The following FSTL5 variants were observed in gnomAD, a reference collection of about 807,000 sequenced individuals.
The protein encoded by FSTL5 is follistatin like 5, also known as follistatin-related protein 5.
In FSTL5, 62 loss-of-function variants were observed where a neutral mutation model predicts 89.1. That is an observed-to-expected ratio of 0.70 (90% CI 0.57 to 0.86). The LOEUF is 0.86. FSTL5 is among the 40% of genes least tolerant of loss of function. The pLI is 0.00. For synonymous variants in FSTL5, 383 were observed against 346.2 expected (o/e 1.11, Z -1.18); for missense variants, 1,057 against 1,001.6 (o/e 1.06, Z -0.75).
Position 161,385,407 on chromosome 4 carries a change from A to C in FSTL5, c.*340T>G, listed in dbSNP as rs917065188. 1 of 192,358 alleles carries C rather than the reference A, an allele frequency of 5.2e-6. No homozygotes were observed. The highest frequency in any genetic ancestry group is 2.3e-5 in the African/African-American group (1 of 42,672). The allele number at this position is 192,358 out of a possible 1,614,324, so 11.9% of individuals were successfully genotyped here. Reference sequence around the variant, plus strand: ...CAGAGAAAAAAAATAAACTACCCTCAAAATGAAATAATGCTTTATGTCATC... The same window carrying C: ...CAGAGAAAAAAAATAAACTACCCTCCAAATGAAATAATGCTTTATGTCATC... On this transcript the variant is annotated 3_prime_UTR_variant, in exon 16 of 16. Transcript: ENST00000306100.
At chr4:161,987,123 C>G (rs186808793) in intron 3 of FSTL5, among the ~76,000 whole-genome samples, 7 of 152,236 alleles carry the variant, frequency 4.6e-5, no homozygotes, top group Admixed American at 2.0e-4. Flanking sequence ...AACCCTTTCT[C>G]GACATCTAGT....
chr4:161,860,181 G>C (rs969288584), intron 4 of FSTL5, among the ~76,000 whole-genome samples: 1 of 151,976 alleles, frequency 6.6e-6, no homozygotes, highest in South Asian at 2.1e-4. Context: ...CCAGCTACTC[G>C]GGAGGCTGAG....
chr4:162,030,873 C>A (rs1004786101), intron 3 of FSTL5, among the ~76,000 whole-genome samples: 16 of 152,102 alleles, frequency 1.1e-4, no homozygotes, highest in Admixed American at 9.8e-4. Flanking sequence ...AATTTAAATA[C>A]TTCTGTAAAA....
chr4:161,593,143 T>C (rs1733889251), intron 7 of FSTL5, among the ~76,000 whole-genome samples: 1 of 152,132 alleles, frequency 6.6e-6, no homozygotes. Context: ...TATTTATCAA[T>C]AAAAAGCAAG....
At chr4:161,900,571 G>A (rs28669022) in intron 4 of FSTL5, among the ~76,000 whole-genome samples, 7,123 of 148,002 alleles carry the variant, frequency 0.048, 211 homozygotes, top group Non-Finnish European at 0.07. Flanking sequence ...CCCGGGAGGC[G>A]GAGGTTGCAG....
chr4:161,903,936 C>G (rs1733447779), intron 4 of FSTL5, among the ~76,000 whole-genome samples: 1 of 151,398 alleles, frequency 6.6e-6, no homozygotes, highest in Non-Finnish European at 1.5e-5. Context: ...AAAATGAAAC[C>G]TAAACTTATA....
intron 4 of FSTL5, among the ~76,000 whole-genome samples, chr4:161,870,221 G>A (rs1049816478): frequency 6.6e-5 from 10 of 152,122 alleles, no homozygotes; most frequent in African/African-American, 2.2e-4. Flanking sequence ...ATATATAAGT[G>A]ATGTAGAAAT....
intron 4 of FSTL5, among the ~76,000 whole-genome samples, chr4:161,825,398 G>C (rs1730637731): frequency 6.6e-6 from 1 of 152,020 alleles, no homozygotes; most frequent in Admixed American, 6.6e-5. Flanking sequence ...GGGTGATACT[G>C]GTTTCATAGA....
At chr4:161,705,273 C>T (rs1220487916) in intron 6 of FSTL5, among the ~76,000 whole-genome samples, 2 of 151,860 alleles carry the variant, frequency 1.3e-5, no homozygotes, top group Admixed American at 6.6e-5. Context: ...ATTAAATAAA[C>T]GTTAAAATGG....
chr4:161,688,997 A>G (rs962700494), intron 6 of FSTL5, among the ~76,000 whole-genome samples: 3 of 152,218 alleles, frequency 2.0e-5, no homozygotes, highest in African/African-American at 7.2e-5. Flanking sequence ...ACTTGAAGTC[A>G]TGAATTACTT....
rs187086790 is a variant in FSTL5, at chr4:161,983,060, C to A, written c.160+50565G>T. Among the ~76,000 whole-genome samples the A allele has an allele frequency of 2.6e-5, 4 of 152,166 alleles. No homozygotes were observed. In the East Asian group the frequency reaches 7.7e-4, roughly 29 times the overall value. On this transcript the variant is annotated intron_variant, in intron 3 of 15. Transcript: ENST00000306100. The stretch of plus-strand genomic sequence containing the variant: ...CAAGTGATAATTTAATCAGAGAAAT[C>A]GAGGAAAGTTCCAGTTTTTGTACGC...
In FSTL5 at chr4:161,677,181, A is replaced by AT. The variant is rs541467283; in HGVS notation, c.728-20688dup. 8.0e-3 allele frequency among the ~76,000 whole-genome samples: 1,202 copies of AT among 150,226 alleles called. 18 individuals are homozygous for AT. Among genetic ancestry groups the AT allele is most frequent in the African/African-American group, 0.028 (1,145 of 41,066 alleles). ...CAAAATGCTCTTTTGAAACTACAGA[A>AT]TTTTTTTTTTGAGAAATGTTTGGTC... On this transcript the variant is annotated intron_variant, in intron 6 of 15. Transcript: ENST00000306100.
In FSTL5 at chr4:161,476,041, T is replaced by A. The variant is rs111672120; in HGVS notation, c.1608+4979A>T. 2.0e-3 allele frequency among the ~76,000 whole-genome samples: 306 copies of A among 151,928 alleles called. 4 individuals carry two copies. The highest frequency in any genetic ancestry group is 7.1e-3 in the African/African-American group (294 of 41,482). The stretch of plus-strand genomic sequence containing the variant: ...ATGCTGGGATTACAGGTGATTCTGT[T>A]TTCTTTAAATGACCATACTTTCCTG... On this transcript the variant is annotated intron_variant, in intron 13 of 15. Transcript: ENST00000306100.
intron 15 of FSTL5, among the ~76,000 whole-genome samples, chr4:161,391,423 T>C (rs1401120647): frequency 6.6e-6 from 1 of 152,176 alleles, no homozygotes; most frequent in East Asian, 1.9e-4. Flanking sequence ...TACACATAAT[T>C]AATAAGTAAA....
At chr4:162,021,201 T>G (rs915178153) in intron 3 of FSTL5, among the ~76,000 whole-genome samples, 1 of 152,118 alleles carries the variant, frequency 6.6e-6, no homozygotes, top group Non-Finnish European at 1.5e-5. Context: ...TGGCTACTAC[T>G]AGGCAACTGC....
intron 15 of FSTL5, among the ~76,000 whole-genome samples, chr4:161,453,514 A>G (rs2126397462): frequency 6.6e-6 from 1 of 152,310 alleles, no homozygotes; most frequent in East Asian, 1.9e-4. Context: ...AGCTATTACA[A>G]TCAGAACCTA....
intron 4 of FSTL5, among the ~76,000 whole-genome samples, chr4:161,910,135 T>C (rs1367855919): frequency 6.6e-6 from 1 of 152,150 alleles, no homozygotes; most frequent in East Asian, 1.9e-4. Context: ...CAGCCCAATC[T>C]TCTGTCCTCC....
intron 2 of FSTL5, among the ~76,000 whole-genome samples, chr4:162,045,508 G>A (rs548682626): frequency 2.6e-5 from 4 of 151,966 alleles, no homozygotes; most frequent in African/African-American, 9.7e-5. Flanking sequence ...TTATGTACCT[G>A]TAATAATTAA....
At chr4:161,476,646 T>C (rs1286697423) in intron 13 of FSTL5, among the ~76,000 whole-genome samples, 1 of 152,214 alleles carries the variant, frequency 6.6e-6, no homozygotes, top group Admixed American at 6.5e-5. Context: ...TTTTCTCCTA[T>C]ATGCACTTGT....
Sources: gnomAD v4.1 joint callset for allele counts (sites outside exome capture counted in the v4.1 genomes callset) on GRCh38, gnomAD v4.1.1 for gene constraint, MANE v1.5 for transcripts, NCBI Gene and HGNC (gene_info 2026-07-23, HGNC 2026-07-21) for gene names.